ENAH: variants seen among roughly 807,000 people sequenced by gnomAD.
The protein encoded by ENAH is protein enabled homolog.
A neutral mutation model predicts 78.7 loss-of-function variants in ENAH; 23 were observed. That is an observed-to-expected ratio of 0.29 (90% CI 0.21 to 0.41). The LOEUF is 0.41. Ranked by LOEUF, ENAH falls within the 10% of genes least tolerant of loss-of-function variation. The probability of loss-of-function intolerance (pLI) is 1.00; values close to 1 mark genes in which losing one functional copy is unlikely to be tolerated. For missense variants in ENAH, 544 were observed against 691.0 expected, an observed-to-expected ratio of 0.79 and a Z score of 2.39; for synonymous variants, 226 against 241.0, an observed-to-expected ratio of 0.94 and a Z score of 0.58.
chr1:225,570,286 T>G (rs2096754996), intron 1 of ENAH, among the ~76,000 whole-genome samples: 1 of 152,082 alleles, frequency 6.6e-6, no homozygotes, highest in Non-Finnish European at 1.5e-5. Flanking sequence ...GTCCTCTTAT[T>G]CCTTTCCACA....
Position 225,519,325 on chromosome 1 carries a change from C to T in ENAH, c.675G>A (p.Glu225=). 1.9e-6 allele frequency: 3 copies of T among 1,614,104 alleles called. No individual in the cohort carries two copies. Among genetic ancestry groups the T allele is most frequent in the Non-Finnish European group, 2.5e-6 (3 of 1,179,994 alleles). The change falls in exon 5 of 14, where the codon GAG becomes GAA. Residue 225 remains glutamate (E), a synonymous_variant. Transcript: ENST00000366843. ...RLERQERLDR[E]RQERQERERL... ...TCTCTCGTTCTTGTCTTTCTTGCCT[C>T]TCCCGATCCAGGCGTTCCTGCCGCT...
At chr1:225,574,020 G>A (rs370875688) in intron 1 of ENAH, among the ~76,000 whole-genome samples, 21 of 152,230 alleles carry the variant, frequency 1.4e-4, no homozygotes, top group South Asian at 1.0e-3. Context: ...TTAGCATCAC[G>A]TCTGTTATGA....
At chr1:225,510,919 G>T (rs1444596621) in intron 10 of ENAH, among the ~76,000 whole-genome samples, 1 of 152,012 alleles carries the variant, frequency 6.6e-6, no homozygotes, top group Non-Finnish European at 1.5e-5. Context: ...GGGCTGGGGG[G>T]CTAAGGTGGG....
chr1:225,646,982 T>C (rs903117260), intron 1 of ENAH, among the ~76,000 whole-genome samples: 4 of 151,038 alleles, frequency 2.6e-5, no homozygotes, highest in Non-Finnish European at 5.9e-5. Context: ...ATCCCAGCAC[T>C]TTGGGAGGCT....
chr1:225,622,405 T>G (rs1657148272), intron 1 of ENAH, among the ~76,000 whole-genome samples: 1 of 152,190 alleles, frequency 6.6e-6, no homozygotes, highest in African/African-American at 2.4e-5. Context: ...CTGGGCAATA[T>G]GGCAAGACCC....
In ENAH at chr1:225,487,554, T is replaced by A. The variant is rs2096205461; in HGVS notation, c.*10221A>T. ...TTCACAAATTCCATGATAAGATACA[T>A]GAGGTTCTGTATGCATAGTAAATGA... On this transcript the variant is annotated 3_prime_UTR_variant, in exon 14 of 14. Coordinates refer to ENST00000366843, the MANE Select transcript of ENAH (RefSeq NM_018212.6). 1 of 152,256 alleles carries A rather than the reference T, an allele frequency of 6.6e-6. No individual in the cohort carries two copies. Among genetic ancestry groups the A allele is most frequent in the African/African-American group, 2.4e-5 (1 of 41,462 alleles). The allele number at this position is 152,256 out of a possible 1,614,324, so 9.4% of individuals were successfully genotyped here. A position where few individuals can be genotyped will look rare whatever the true frequency, so the allele number is the denominator to read the frequency against.
At chr1:225,517,133 A>C in intron 6 of ENAH, 63 bp downstream of exon 6, 2 of 1,368,812 alleles carry the variant, frequency 1.5e-6, no homozygotes, top group Non-Finnish European at 1.9e-6. Flanking sequence ...TCAGGCAATT[A>C]AAGTCACTGC....
intron 1 of ENAH, among the ~76,000 whole-genome samples, chr1:225,614,238 T>C (rs1255421019): frequency 3.3e-5 from 5 of 152,080 alleles, no homozygotes; most frequent in Non-Finnish European, 7.4e-5. Context: ...TTTGTATTTT[T>C]AGTAGAGACG....
intron 3 of ENAH, among the ~76,000 whole-genome samples, chr1:225,541,303 CAT>C (rs2096587214): frequency 6.6e-6 from 1 of 151,734 alleles, no homozygotes; most frequent in African/African-American, 2.4e-5. Flanking sequence ...GCGTTGGTGG[CAT>C]GTGCCTGTAA....
chr1:225,562,689 G>A (rs2151480484), intron 2 of ENAH, among the ~76,000 whole-genome samples: 1 of 144,514 alleles, frequency 6.9e-6, no homozygotes, highest in South Asian at 2.4e-4. Flanking sequence ...TTATATAATT[G>A]TACATATTCA....
At chr1:225,500,937 TA>T in intron 12 of ENAH, 54 bp downstream of exon 12, 1 of 1,500,082 alleles carries the variant, frequency 6.7e-7, no homozygotes, top group Non-Finnish European at 9.3e-7. Flanking sequence ...GCATATGGGA[TA>T]TTTTTTAAAA....
At chr1:225,594,152 G>T (rs901266789) in intron 1 of ENAH, among the ~76,000 whole-genome samples, 2 of 152,168 alleles carry the variant, frequency 1.3e-5, no homozygotes, top group African/African-American at 2.4e-5. Flanking sequence ...AACACTGCTA[G>T]ATTCAAAGTT....
intron 3 of ENAH, among the ~76,000 whole-genome samples, chr1:225,553,577 A>G (rs1005171538): frequency 4.6e-5 from 7 of 152,110 alleles, no homozygotes; most frequent in Middle Eastern, 6.8e-3. Context: ...ATATTAAGAA[A>G]AAAAAAAAAA....
At chr1:225,653,414 AC>A (rs1447132560), upstream of ENAH, among the ~76,000 whole-genome samples, 21 of 101,868 alleles carry the variant, frequency 2.1e-4, no homozygotes, top group South Asian at 1.4e-3. This position sits in a 1 kb window ranked among gnomAD's most constrained non-coding sequence, Gnocchi z 4.3. Context: ...GCGGGCCACC[AC>A]CCCCCCCTCC....
intron 3 of ENAH, among the ~76,000 whole-genome samples, chr1:225,534,116 T>C (rs1303562087): frequency 2.0e-5 from 3 of 152,122 alleles, no homozygotes; most frequent in East Asian, 1.9e-4. Flanking sequence ...GCATACAACA[T>C]TGGATGGGTT....
chr1:225,631,999 G>T (rs1351732021), intron 1 of ENAH, among the ~76,000 whole-genome samples: 1 of 151,984 alleles, frequency 6.6e-6, no homozygotes, highest in Non-Finnish European at 1.5e-5. Context: ...TGCCTTTGTA[G>T]GTAACTAGTA....
intron 1 of ENAH, among the ~76,000 whole-genome samples, chr1:225,639,540 C>T (rs1660645105): frequency 6.6e-6 from 1 of 152,110 alleles, no homozygotes; most frequent in African/African-American, 2.4e-5. Flanking sequence ...TCTGAGATGC[C>T]TTCCACCATG....
intron 2 of ENAH, among the ~76,000 whole-genome samples, chr1:225,564,989 A>G (rs991686368): frequency 6.6e-6 from 1 of 152,028 alleles, no homozygotes; most frequent in Non-Finnish European, 1.5e-5. Context: ...AATATACATA[A>G]TAATTTCCTC....
intron 3 of ENAH, among the ~76,000 whole-genome samples, chr1:225,546,542 T>A (rs1209622490): frequency 6.6e-6 from 1 of 152,112 alleles, no homozygotes; most frequent in East Asian, 1.9e-4. Context: ...AATACCTAAA[T>A]ACAGTCCTTG....
Sources: gnomAD v4.1 joint callset for allele counts (sites outside exome capture counted in the v4.1 genomes callset) on GRCh38, gnomAD v4.1.1 for gene constraint, Gnocchi (gnomAD v3.1) non-coding constraint, MANE v1.5 for transcripts, NCBI Gene and HGNC (gene_info 2026-07-23, HGNC 2026-07-21) for gene names.